The following CDH4 variants were observed in gnomAD, a reference collection of about 807,000 sequenced individuals.
CDH4 encodes cadherin 4, also known as cadherin-4.
In CDH4, 33 loss-of-function variants were observed where a neutral mutation model predicts 86.0. The ratio of observed to expected loss-of-function variants is 0.38; its 90% CI spans 0.29 to 0.51. The LOEUF is 0.51. Among genes scored for constraint, CDH4 ranks in the 20% least tolerant of loss-of-function variants. The pLI is 0.86. For missense variants in CDH4, 1,114 were observed against 1,307.4 expected (o/e 0.85, Z 2.28); for synonymous variants, 555 against 549.4 (o/e 1.01, Z -0.14).
chr20:61,766,153 C>A (rs1265565458), intron 3 of CDH4, among the ~76,000 whole-genome samples: 3 of 151,976 alleles, frequency 2.0e-5, no homozygotes, highest in Non-Finnish European at 4.4e-5. Context: ...GCTCACGGTG[C>A]CCTCACCAGA....
At chr20:61,584,318 C>T (rs143116374) in intron 2 of CDH4, among the ~76,000 whole-genome samples, 3 of 152,308 alleles carry the variant, frequency 2.0e-5, no homozygotes, top group East Asian at 1.9e-4. Context: ...CAGACAGCAT[C>T]GTCGACCCCT....
At chr20:61,593,471 T>C (rs2086532440) in intron 2 of CDH4, among the ~76,000 whole-genome samples, 1 of 152,258 alleles carries the variant, frequency 6.6e-6, no homozygotes. Flanking sequence ...ACACCAGCAA[T>C]GCATGAGGGC....
intron 14 of CDH4, 26 bp from the exon 15 acceptor site, chr20:61,934,028 CCT>C (rs768187515): frequency 6.8e-6 from 11 of 1,608,778 alleles, no homozygotes; most frequent in Admixed American, 1.7e-5. Flanking sequence ...TTCTGATGCC[CCT>C]GACTCCTCCC....
chr20:61,286,558 T>G (rs1184664981), intron 2 of CDH4, among the ~76,000 whole-genome samples: 1 of 152,096 alleles, frequency 6.6e-6, no homozygotes, highest in Admixed American at 6.5e-5. Context: ...ACTTCAGGAG[T>G]GAAATTACAA....
chr20:61,836,094 G>C (rs17749417), intron 4 of CDH4, among the ~76,000 whole-genome samples: 62,902 of 152,152 alleles, frequency 0.41, 15,986 homozygotes, highest in Non-Finnish European at 0.58. Context: ...ACTCATTCTT[G>C]ACTCCAGGTC....
At chr20:61,484,426 G>A (rs2085584775) in intron 2 of CDH4, among the ~76,000 whole-genome samples, 1 of 152,126 alleles carries the variant, frequency 6.6e-6, no homozygotes, top group Admixed American at 6.5e-5. Flanking sequence ...GCCCTCACTG[G>A]GCACGAGCTG....
At chr20:61,575,554 G>A (rs2086376981) in intron 2 of CDH4, among the ~76,000 whole-genome samples, 1 of 152,270 alleles carries the variant, frequency 6.6e-6, no homozygotes, top group South Asian at 2.1e-4. Context: ...GCAATGGAGA[G>A]AAGGGATCAT....
intron 12 of CDH4, among the ~76,000 whole-genome samples, chr20:61,928,984 T>A (rs144301415): frequency 9.1e-4 from 138 of 152,364 alleles, no homozygotes; most frequent in Admixed American, 2.9e-3. Context: ...TGGAAATTTT[T>A]TATATATATT....
At chr20:61,288,461 G>A (rs1489848387) in intron 2 of CDH4, among the ~76,000 whole-genome samples, 1 of 152,208 alleles carries the variant, frequency 6.6e-6, no homozygotes, top group Non-Finnish European at 1.5e-5. Flanking sequence ...GAAAGCAGGT[G>A]GTCAGAGGCT....
intron 2 of CDH4, among the ~76,000 whole-genome samples, chr20:61,429,616 T>G (rs1205424904): frequency 4.1e-5 from 6 of 145,434 alleles, no homozygotes; most frequent in Non-Finnish European, 6.0e-5. Context: ...GATTGGTGGG[T>G]GGGTGGATGT....
At chr20:61,755,995 TCAC>T (rs1034866167) in intron 3 of CDH4, among the ~76,000 whole-genome samples, 1 of 152,146 alleles carries the variant, frequency 6.6e-6, no homozygotes, top group Non-Finnish European at 1.5e-5. Flanking sequence ...CTTGGGGTGT[TCAC>T]CACGCCCAGC....
At chr20:61,279,161 A>T (rs1202768888) in intron 2 of CDH4, among the ~76,000 whole-genome samples, 1 of 152,200 alleles carries the variant, frequency 6.6e-6, no homozygotes, top group South Asian at 2.1e-4. Context: ...TTTATTAAGC[A>T]TGTTATTAAA....
intron 2 of CDH4, among the ~76,000 whole-genome samples, chr20:61,632,311 G>A (rs944959726): frequency 6.6e-6 from 1 of 152,120 alleles, no homozygotes; most frequent in East Asian, 1.9e-4. Flanking sequence ...TCTGGAGTGT[G>A]GCTCCTGAGC....
intron 2 of CDH4, among the ~76,000 whole-genome samples, chr20:61,293,261 A>C (rs115939634): frequency 2.8e-3 from 429 of 152,226 alleles, no homozygotes; most frequent in African/African-American, 9.8e-3. Flanking sequence ...GTGGATGCAG[A>C]GAGGAGGATG....
chr20:61,583,136 G>T, intron 2 of CDH4, among the ~76,000 whole-genome samples: 1 of 56,278 alleles, frequency 1.8e-5, no homozygotes, highest in African/African-American at 4.8e-5. Context: ...TCTGCGGGGG[G>T]ACAGAGGGCT....
chr20:61,878,054 C>A (rs533816731), intron 7 of CDH4, among the ~76,000 whole-genome samples: 2 of 152,042 alleles, frequency 1.3e-5, no homozygotes, highest in African/African-American at 2.4e-5. Flanking sequence ...CCAGAGAGGA[C>A]AACAGGCCCT....
At position 61,732,541 on chromosome 20, in the gene CDH4, C is replaced by T. The variant is rs369333644; in HGVS notation, c.170-11022C>T. Among the ~76,000 whole-genome samples, 294 of 152,312 alleles carry T rather than the reference C, an allele frequency of 1.9e-3. 7 individuals carry two copies. The highest frequency in any genetic ancestry group is 6.3e-3 in the African/African-American group (261 of 41,584). On this transcript the variant is annotated intron_variant, in intron 2 of 15. Coordinates refer to ENST00000614565, the MANE Select transcript of CDH4 (RefSeq NM_001794.5). The stretch of plus-strand genomic sequence containing the variant: ...GGCCTTGCACTGTCTGTTCCCTCTG[C>T]GGGGAATGCTCTTCCCTCAGGCACC...
intron 7 of CDH4, among the ~76,000 whole-genome samples, chr20:61,891,157 A>G (rs1260941910): frequency 1.3e-5 from 2 of 152,140 alleles, no homozygotes. Context: ...CATGTGGGGC[A>G]AATGTTGGGG....
rs150430461 is a variant in CDH4, at chr20:61,818,687, AT to A, written c.577-25978del. Among the ~76,000 whole-genome samples the A allele has an allele frequency of 3.9e-3, 412 of 105,150 alleles. 6 individuals carry two copies. Among genetic ancestry groups the A allele is most frequent in the African/African-American group, 0.01 (364 of 36,276 alleles). 69.0% of individuals were successfully genotyped at this position (105,150 alleles called of 152,430 possible). On this transcript the variant is annotated intron_variant, in intron 4 of 15. Coordinates refer to ENST00000614565, the MANE Select transcript of CDH4 (RefSeq NM_001794.5). ...AACGAAGTCTCTTAAAAAACTAAAAATTTAAAAAAAAAAAAAAAGCGGGAAG... is the reference window on the plus strand; with the variant it reads ...AACGAAGTCTCTTAAAAAACTAAAAATTAAAAAAAAAAAAAAAGCGGGAAG...
Sources: allele counts gnomAD v4.1 joint callset (sites outside exome capture counted in the v4.1 genomes callset), GRCh38; gene constraint gnomAD v4.1.1; transcripts MANE v1.5; gene names NCBI Gene and HGNC (gene_info 2026-07-23, HGNC 2026-07-21).